SCN9A: variants seen among roughly 807,000 people sequenced by gnomAD.
The protein encoded by SCN9A is sodium voltage-gated channel alpha subunit 9.
In SCN9A, 131 loss-of-function variants were observed where a neutral mutation model predicts 187.0. That is an observed-to-expected ratio of 0.70 (90% CI 0.61 to 0.81). The LOEUF (loss-of-function observed/expected upper bound fraction) is 0.81. SCN9A is among the 30% of genes least tolerant of loss of function. SCN9A has a pLI of 0.00. For missense variants in SCN9A, 2,252 were observed against 2,396.6 expected, an observed-to-expected ratio of 0.94 and a Z score of 1.26; for synonymous variants, 809 against 808.6, an observed-to-expected ratio of 1.00 and a Z score of -0.01.
At chr2:166,353,370 T>C (rs1404022310) in intron 1 of SCN9A, among the ~76,000 whole-genome samples, 1 of 152,126 alleles carries the variant, frequency 6.6e-6, no homozygotes, top group Non-Finnish European at 1.5e-5. Context: ...AATTTGATAA[T>C]CTTCCCATGA....
At chr2:166,222,957 A>AAAAAAAAAAAAAAAAAAAAAAAAAAC (rs1558960914) in intron 24 of SCN9A, among the ~76,000 whole-genome samples, 1 of 146,224 alleles carries the variant, frequency 6.8e-6, no homozygotes, top group Non-Finnish European at 1.5e-5. Flanking sequence ...AAAAAAAAAA[A>AAAAAAAAAAAAAAAAAAAAAAAAAAC]AAAAAAAAAA....
At chr2:166,365,498 A>G (rs1700394057) in intron 1 of SCN9A, among the ~76,000 whole-genome samples, 1 of 152,190 alleles carries the variant, frequency 6.6e-6, no homozygotes. Context: ...CCCTCGACGC[A>G]GGTTAGTAAT....
intron 17 of SCN9A, among the ~76,000 whole-genome samples, chr2:166,270,165 C>T (rs931268466): frequency 1.3e-5 from 2 of 151,998 alleles, no homozygotes; most frequent in South Asian, 4.2e-4. Context: ...CTGGGTCCCA[C>T]ATCTGTAGAG....
chr2:166,315,107 C>T (rs534237861), intron 1 of SCN9A, among the ~76,000 whole-genome samples: 1 of 152,290 alleles, frequency 6.6e-6, no homozygotes, highest in South Asian at 2.1e-4. Context: ...GCAGTTGCCA[C>T]TTGTGCTTTG....
chr2:166,301,619 C>T (rs1698558457), intron 7 of SCN9A: 1 of 150,646 alleles, frequency 6.6e-6, no homozygotes, highest in Admixed American at 6.6e-5. Flanking sequence ...AGTATAAACT[C>T]AGAAATAGGA....
chr2:166,286,265 T>G, intron 11 of SCN9A, 71 bp downstream of exon 11: 5 of 1,429,158 alleles, frequency 3.5e-6, no homozygotes, highest in Non-Finnish European at 3.7e-6. Flanking sequence ...CGAGTTCTCT[T>G]ACCCTAAAAT....
chr2:166,331,832 C>T (rs114920745), intron 1 of SCN9A, among the ~76,000 whole-genome samples: 2,297 of 152,192 alleles, frequency 0.015, 54 homozygotes, highest in African/African-American at 0.052. Context: ...CACTAACTTT[C>T]CATCACTACT....
At chr2:166,371,228 C>T (rs576055160) in intron 1 of SCN9A, among the ~76,000 whole-genome samples, 12 of 152,216 alleles carry the variant, frequency 7.9e-5, no homozygotes, top group Admixed American at 7.2e-4. Context: ...TAAAAAGAGA[C>T]GTGGAAAGAA....
intron 24 of SCN9A, among the ~76,000 whole-genome samples, chr2:166,214,410 A>C (rs777889425): frequency 2.5e-4 from 38 of 152,076 alleles, no homozygotes; most frequent in Admixed American, 5.9e-4. Flanking sequence ...GCAAATGAAG[A>C]ATAAACCTTC....
At chr2:166,269,247 G>A (rs911181004) in intron 17 of SCN9A, among the ~76,000 whole-genome samples, 2 of 151,896 alleles carry the variant, frequency 1.3e-5, no homozygotes, top group Non-Finnish European at 2.9e-5. Flanking sequence ...AAGTGACAGA[G>A]TAATTTTATG....
In SCN9A at chr2:166,327,905, A is replaced by T. The variant is rs544837618; in HGVS notation, c.-50-16099T>A. 9.2e-5 allele frequency among the ~76,000 whole-genome samples: 14 copies of T among 152,308 alleles called. 1 individual carries two copies. The South Asian group carries it at 2.1e-3, about 23-fold the overall frequency. ...CCTTCACATCTCATTGATACTAAGG[A>T]GCTTTCTCTAACAAGGTGCTAGGTA... On this transcript the variant is annotated intron_variant, in intron 1 of 26. Coordinates refer to ENST00000642356, the MANE Select transcript of SCN9A (RefSeq NM_001365536.1).
intron 2 of SCN9A, among the ~76,000 whole-genome samples, chr2:166,309,053 AAAG>A (rs1698855466): frequency 6.6e-6 from 1 of 152,084 alleles, no homozygotes; most frequent in Non-Finnish European, 1.5e-5. Context: ...AGAAAAATGA[AAAG>A]AAGAAAGTAA....
intron 7 of SCN9A, among the ~76,000 whole-genome samples, chr2:166,297,485 TATG>T (rs1698369070): frequency 1.3e-5 from 2 of 152,124 alleles, no homozygotes; most frequent in Admixed American, 1.3e-4. Flanking sequence ...TTGAAAACAT[TATG>T]CTAGGTGTAA....
intron 1 of SCN9A, among the ~76,000 whole-genome samples, chr2:166,315,801 G>T (rs997663500): frequency 5.3e-5 from 8 of 152,168 alleles, no homozygotes. Flanking sequence ...AAGATGCAAT[G>T]ATGGGGCAGG....
intron 1 of SCN9A, among the ~76,000 whole-genome samples, chr2:166,367,008 A>C (rs999805429): frequency 6.6e-6 from 1 of 152,218 alleles, no homozygotes; most frequent in African/African-American, 2.4e-5. Flanking sequence ...CTTCATGACA[A>C]TAAGTACTGT....
At chr2:166,340,582 CTTTCTTTCTTTCTTTCTTTCTT>C (rs1175645783) in intron 1 of SCN9A, among the ~76,000 whole-genome samples, 22 of 70,684 alleles carry the variant, frequency 3.1e-4, no homozygotes, top group African/African-American at 1.9e-3. Flanking sequence ...TTCTTTCTTT[CTTTCTTTCTTTCTTTCTTTCTT>C]TTTCTTTCTT....
At chr2:166,269,832 CT>C (rs1419084584) in intron 17 of SCN9A, among the ~76,000 whole-genome samples, 1 of 152,050 alleles carries the variant, frequency 6.6e-6, no homozygotes, top group Admixed American at 6.6e-5. Context: ...CTTTGGTTGA[CT>C]TTCCCCAGCT....
chr2:166,236,443 T>C (rs1695322043), intron 20 of SCN9A, among the ~76,000 whole-genome samples: 3 of 152,130 alleles, frequency 2.0e-5, no homozygotes. Context: ...TTTTTTGAGA[T>C]GGAGTCTCAC....
chr2:166,341,079 T>G (rs368241422), intron 1 of SCN9A, among the ~76,000 whole-genome samples: 1 of 152,218 alleles, frequency 6.6e-6, no homozygotes, highest in African/African-American at 2.4e-5. Flanking sequence ...GAAATATCTC[T>G]TAATTGACCT....
Sources: gnomAD v4.1 joint callset for allele counts (sites outside exome capture counted in the v4.1 genomes callset) on GRCh38, gnomAD v4.1.1 for gene constraint, MANE v1.5 for transcripts, NCBI Gene and HGNC (gene_info 2026-07-23, HGNC 2026-07-21) for gene names.